The following PITPNM2 variants were observed in gnomAD, a reference collection of about 807,000 sequenced individuals.
PITPNM2 encodes the protein phosphatidylinositol transfer protein membrane associated 2.
In PITPNM2, 35 loss-of-function variants were observed where a neutral mutation model predicts 132.2. The ratio of observed to expected loss-of-function variants is 0.26; its 90% CI spans 0.20 to 0.35. The LOEUF (loss-of-function observed/expected upper bound fraction) is 0.35, where lower values mean the gene tolerates loss of function less well. Among genes scored for constraint, PITPNM2 ranks in the 10% least tolerant of loss-of-function variants. The pLI is 1.00. For synonymous variants in PITPNM2, 738 were observed against 799.2 expected (o/e 0.92, Z 1.29); for missense variants, 1,332 against 1,912.0 (o/e 0.70, Z 5.66).
At chr12:123,032,988 GGCT>G (rs1412295719) in intron 3 of PITPNM2, among the ~76,000 whole-genome samples, 1 of 152,216 alleles carries the variant, frequency 6.6e-6, no homozygotes, top group Non-Finnish European at 1.5e-5. Context: ...AGGCAGCTGG[GGCT>G]GCAGGCTCTG....
chr12:122,987,488 G>A (rs778468036), intron 22 of PITPNM2, 23 bp downstream of exon 22: 20 of 1,610,732 alleles, frequency 1.2e-5, no homozygotes, highest in East Asian at 6.7e-5. Flanking sequence ...TGCCTATCCC[G>A]CCCTCCCAGT....
chr12:123,133,278 T>C (rs930600244), intron 1 of PITPNM2, among the ~76,000 whole-genome samples: 1 of 152,200 alleles, frequency 6.6e-6, no homozygotes, highest in African/African-American at 2.4e-5. Flanking sequence ...GCCCCAGATA[T>C]GGCTCCATGG....
rs2041354453 is a variant in PITPNM2 at position 123,064,608 on chromosome 12, G to T, written c.-95-29923C>A. Among the ~76,000 whole-genome samples the T allele has an allele frequency of 1.3e-5, 2 of 152,200 alleles. No individual in the cohort carries two copies. Reference sequence around the variant, plus strand: ...GCCACTTCCCTGCCAGGCTGACTGGGTCAAAAACAAAACGAGCCCAGCAAC... The same window carrying T: ...GCCACTTCCCTGCCAGGCTGACTGGTTCAAAAACAAAACGAGCCCAGCAAC... On this transcript the variant is annotated intron_variant, in intron 2 of 25. Transcript: ENST00000320201. The surrounding 1 kb of genome is among the most constrained non-coding windows in gnomAD (Gnocchi z 4.0).
rs1451412369 is a variant in PITPNM2 at position 122,996,821 on chromosome 12, G to C, written c.1562C>G (p.Ser521Cys). The change falls in exon 12 of 26, where the codon TCC becomes TGC. Residue 521 changes from serine to cysteine, a missense_variant. Ser to Cys is a moderately radical substitution (Grantham distance 112). This residue lies in a region of PITPNM2 where 710 missense variants were observed against 911.5 expected (regional missense o/e 0.78). Coordinates refer to ENST00000320201, the MANE Select transcript of PITPNM2 (RefSeq NM_020845.3). ...GGCAACTGCCTCCTGGTACTGGGGG[G>C]AGGAGGTGGCCAGCAGGGGGAGGGC... Reference protein sequence around the residue: ...LAALPLLATSSPQYQEAVATV... With the variant: ...LAALPLLATSCPQYQEAVATV... The C allele has an allele frequency of 1.2e-6, 2 of 1,602,382 alleles. No individual in the cohort carries two copies. The highest frequency in any genetic ancestry group is 2.2e-5 in the East Asian group (1 of 44,844).
chr12:123,014,110 G>A (rs1454959012), intron 3 of PITPNM2, 68 bp from the exon 4 acceptor site: 13 of 1,534,960 alleles, frequency 8.5e-6, no homozygotes, highest in Admixed American at 1.7e-5. Flanking sequence ...AGGGGCACAG[G>A]AGACTGGGCC....
intron 2 of PITPNM2, among the ~76,000 whole-genome samples, chr12:123,079,371 T>TTTTTTTTTTTTTTTTTTTTTTTC (rs2041888694): frequency 8.0e-6 from 1 of 125,060 alleles, no homozygotes; most frequent in Non-Finnish European, 1.7e-5. Context: ...TTTTTTTTTT[T>TTTTTTTTTTTTTTTTTTTTTTTC]TTTTTTTTTG....
At chr12:123,021,981 G>A (rs1436108123) in intron 3 of PITPNM2, among the ~76,000 whole-genome samples, 1 of 152,226 alleles carries the variant, frequency 6.6e-6, no homozygotes, top group East Asian at 1.9e-4. Flanking sequence ...ATCCCAGGAT[G>A]CCACGCCCTG....
chr12:123,142,232 C>G (rs953288677), intron 1 of PITPNM2, among the ~76,000 whole-genome samples: 1 of 152,208 alleles, frequency 6.6e-6, no homozygotes, highest in African/African-American at 2.4e-5. Flanking sequence ...CAAGAATCCG[C>G]TAAATGCATC....
intron 1 of PITPNM2, among the ~76,000 whole-genome samples, chr12:123,131,904 C>T (rs1289873447): frequency 1.3e-5 from 2 of 152,220 alleles, no homozygotes; most frequent in Non-Finnish European, 2.9e-5. Flanking sequence ...ACCTCAGGAC[C>T]AACCAGAGGC....
intron 1 of PITPNM2, among the ~76,000 whole-genome samples, chr12:123,124,885 G>A (rs955483547): frequency 7.2e-5 from 11 of 152,178 alleles, no homozygotes; most frequent in African/African-American, 2.7e-4. Flanking sequence ...CATAAGGAAT[G>A]TATCTAATTT....
In PITPNM2 at chr12:123,113,266, G is replaced by C. The variant is rs146395639; in HGVS notation, c.-199-2778C>G. On this transcript the variant is annotated intron_variant, in intron 1 of 25. Coordinates refer to ENST00000320201, the MANE Select transcript of PITPNM2 (RefSeq NM_020845.3). ...GAGGCAGGTGGCTAAGGAATGGGTA[G>C]AGAGAGACCCATACGTATGGTAGGT... 6.8e-4 allele frequency among the ~76,000 whole-genome samples: 104 copies of C among 152,354 alleles called. 1 individual carries two copies. In the East Asian group the frequency reaches 0.015, roughly 22 times the overall value.
chr12:123,000,647 T>C lies in PITPNM2; in HGVS notation c.1224+131A>G. The C allele has an allele frequency of 2.9e-6, 3 of 1,034,836 alleles. No homozygotes were observed. The highest frequency in any genetic ancestry group is 1.6e-5 in the African/African-American group (1 of 63,256). 64.1% of individuals were successfully genotyped at this position (1,034,836 alleles called of 1,614,324 possible). On this transcript the variant is annotated intron_variant, in intron 10 of 25. Coordinates refer to ENST00000320201, the MANE Select transcript of PITPNM2 (RefSeq NM_020845.3). The surrounding 1 kb of genome is among the most constrained non-coding windows in gnomAD (Gnocchi z 5.4). ...GAGGCCCAGGCCTCTCCCCAGACAG[T>C]ACCCAGGCAGGCGTGGAGGTGAGGC... is the stretch of plus-strand genomic sequence containing the variant.
upstream of PITPNM2, among the ~76,000 whole-genome samples, chr12:123,151,841 A>AC (rs2043771131): frequency 6.6e-6 from 1 of 152,196 alleles, no homozygotes; most frequent in South Asian, 2.1e-4. Flanking sequence ...CCTAAAACTT[A>AC]GTGATGTGTG....
In PITPNM2 at chr12:123,004,962, GC is replaced by G. The variant is rs2038862059; in HGVS notation, c.952+277del. Among the ~76,000 whole-genome samples, 1 of 152,174 alleles carries G rather than the reference GC, an allele frequency of 6.6e-6. No homozygotes were observed. Among genetic ancestry groups the G allele is most frequent in the Admixed American group, 6.5e-5 (1 of 15,292 alleles). ...CCTAGGGTCCCCATCAGGAGGGGTGGCCCCTCCACCGCGCTGCAGGAGCCCA... is the reference window on the plus strand; with the variant it reads ...CCTAGGGTCCCCATCAGGAGGGGTGGCCCTCCACCGCGCTGCAGGAGCCCA... On this transcript the variant is annotated intron_variant, in intron 7 of 25. Transcript: ENST00000320201. This position sits in a 1 kb window ranked among gnomAD's most constrained non-coding sequence, Gnocchi z 4.9.
At chr12:123,138,974 C>T (rs1288333234) in intron 1 of PITPNM2, among the ~76,000 whole-genome samples, 1 of 151,416 alleles carries the variant, frequency 6.6e-6, no homozygotes, top group African/African-American at 2.4e-5. Context: ...CCTGTCTCTA[C>T]AAAAAATTAG....
chr12:123,067,182 C>A (rs1459663974), intron 2 of PITPNM2, among the ~76,000 whole-genome samples: 1 of 152,110 alleles, frequency 6.6e-6, no homozygotes, highest in East Asian at 1.9e-4. Context: ...CATGGCCATG[C>A]ATGGTGGCTC....
chr12:123,104,003 C>T (rs1023086950), intron 2 of PITPNM2, among the ~76,000 whole-genome samples: 1 of 152,122 alleles, frequency 6.6e-6, no homozygotes, highest in Admixed American at 6.5e-5. Context: ...CCTCCGCCTC[C>T]GGGTTGAACC....
Position 123,000,221 on chromosome 12 carries a change from G to T in PITPNM2, c.1224+557C>A. The T allele has an allele frequency of 1.7e-6, 1 of 599,296 alleles. No individual in the cohort carries two copies. The highest frequency in any genetic ancestry group is 3.0e-6 in the Non-Finnish European group (1 of 336,972). 37.1% of individuals were successfully genotyped at this position (599,296 alleles called of 1,614,324 possible). ...CAGCTCAGCCCTGGCTCCTGTCCCA[G>T]TGCAAACAGCTCTGACGGCCCGCAG... On this transcript the variant is annotated intron_variant, in intron 10 of 25. Coordinates refer to ENST00000320201, the MANE Select transcript of PITPNM2 (RefSeq NM_020845.3). The surrounding 1 kb of genome is among the most constrained non-coding windows in gnomAD (Gnocchi z 5.4).
chr12:123,041,840 G>A (rs1214312804), intron 2 of PITPNM2, among the ~76,000 whole-genome samples: 1 of 152,070 alleles, frequency 6.6e-6, no homozygotes, highest in Non-Finnish European at 1.5e-5. Flanking sequence ...CTGCTCCAGG[G>A]ATGACAGGGA....
Sources: gnomAD v4.1 joint callset for allele counts (sites outside exome capture counted in the v4.1 genomes callset) on GRCh38, gnomAD v4.1.1 for gene constraint, gnomAD v4.1.1 regional missense constraint, Gnocchi (gnomAD v3.1) non-coding constraint, MANE v1.5 for transcripts, NCBI Gene and HGNC (gene_info 2026-07-23, HGNC 2026-07-21) for gene names.